The following CADM2 variants were observed in gnomAD, a reference collection of about 807,000 sequenced individuals.
CADM2 encodes the protein immunoglobulin superfamily member 4D.
A neutral mutation model predicts 49.8 loss-of-function variants in CADM2; 12 were observed. That is an observed-to-expected ratio of 0.24 (90% CI 0.15 to 0.39). CADM2 has a LOEUF of 0.39. CADM2 is among the 10% of genes least tolerant of loss of function. The pLI is 1.00. For synonymous variants in CADM2, 214 were observed against 175.4 expected (o/e 1.22, Z -1.74); for missense variants, 378 against 492.3 (o/e 0.77, Z 2.20).
intron 1 of CADM2, among the ~76,000 whole-genome samples, chr3:85,281,189 T>C (rs190995839): frequency 4.6e-5 from 7 of 151,852 alleles, no homozygotes; most frequent in Admixed American, 4.6e-4. Context: ...GAACATTGAA[T>C]AGTAACAATA....
At chr3:85,584,079 G>A (rs2107309419) in intron 1 of CADM2, among the ~76,000 whole-genome samples, 1 of 152,034 alleles carries the variant, frequency 6.6e-6, no homozygotes, top group African/African-American at 2.4e-5. Context: ...AATTTTATTT[G>A]TAATTAGTAG....
intron 1 of CADM2, among the ~76,000 whole-genome samples, chr3:85,420,942 AT>A (rs1344037415): frequency 1.3e-5 from 2 of 152,142 alleles, no homozygotes; most frequent in Non-Finnish European, 2.9e-5. Flanking sequence ...AACAGCTTTG[AT>A]TTCACAAAAA....
intron 1 of CADM2, among the ~76,000 whole-genome samples, chr3:84,980,503 T>C (rs1369876973): frequency 6.6e-6 from 1 of 152,174 alleles, no homozygotes; most frequent in Non-Finnish European, 1.5e-5. Flanking sequence ...GTGGTGAGAT[T>C]GTCTTCCAGT....
chr3:85,460,800 T>C (rs550345915), intron 1 of CADM2, among the ~76,000 whole-genome samples: 2 of 151,464 alleles, frequency 1.3e-5, no homozygotes, highest in African/African-American at 4.9e-5. Context: ...CCTTGAAAGG[T>C]AGGTGAGGAA....
At position 85,775,086 on chromosome 3, in the gene CADM2, T is replaced by C. The variant is rs1261366925; in HGVS notation, c.89-26961T>C. ...TTTTATCATGTGATTTTCATAAACC[T>C]ACATCAAAAATAAGGAGTGAACAAA... is the stretch of plus-strand genomic sequence containing the variant. On this transcript the variant is annotated intron_variant, in intron 2 of 9. Transcript: ENST00000383699. 4.6e-5 allele frequency among the ~76,000 whole-genome samples: 7 copies of C among 151,700 alleles called. No individual in the cohort carries two copies. In the South Asian group the frequency reaches 6.2e-4, roughly 13 times the overall value.
At chr3:86,046,254 C>A (rs565956516) in intron 8 of CADM2, among the ~76,000 whole-genome samples, 2 of 151,960 alleles carry the variant, frequency 1.3e-5, no homozygotes, top group South Asian at 4.2e-4. Context: ...TTTACATGTG[C>A]CTTTTGTAAA....
rs1268110646 is a variant in CADM2 at position 85,796,737 on chromosome 3, G to C, written c.89-5310G>C. On this transcript the variant is annotated intron_variant, in intron 2 of 9. Coordinates refer to ENST00000383699, the MANE Select transcript of CADM2 (RefSeq NM_001167675.2). ...GTAATAAGATTTTTTTTTCCAGTGG[G>C]GGAACAGCGCTTATCAAGCATTTTA... is the stretch of plus-strand genomic sequence containing the variant. Among the ~76,000 whole-genome samples the C allele has an allele frequency of 2.6e-5, 4 of 151,936 alleles. No homozygotes were observed. The East Asian group carries it at 7.7e-4, about 29-fold the overall frequency.
At chr3:86,053,166 A>T (rs1737534374) in intron 8 of CADM2, among the ~76,000 whole-genome samples, 1 of 152,320 alleles carries the variant, frequency 6.6e-6, no homozygotes, top group African/African-American at 2.4e-5. Flanking sequence ...TGTACTTAAC[A>T]GATCCAAAAT....
intron 1 of CADM2, among the ~76,000 whole-genome samples, chr3:85,552,393 T>TGAGACGTAGG (rs1162184936): frequency 1.7e-5 from 1 of 60,498 alleles, no homozygotes; most frequent in African/African-American, 4.3e-5. Flanking sequence ...TTTTTTTTTT[T>TGAGACGTAGG]TTTGAGACGT....
At chr3:85,195,662 A>G (rs985020416) in intron 1 of CADM2, among the ~76,000 whole-genome samples, 6 of 152,022 alleles carry the variant, frequency 3.9e-5, no homozygotes, top group African/African-American at 1.2e-4. Context: ...AGTAGGCTAT[A>G]AATTTACATA....
At chr3:85,355,469 TG>T (rs2031776973) in intron 1 of CADM2, among the ~76,000 whole-genome samples, 1 of 152,098 alleles carries the variant, frequency 6.6e-6, no homozygotes, top group Non-Finnish European at 1.5e-5. Flanking sequence ...TTGTTTGCTG[TG>T]AAATAAATTG....
chr3:85,261,074 A>G (rs75180015), intron 1 of CADM2, among the ~76,000 whole-genome samples: 2 of 151,906 alleles, frequency 1.3e-5, no homozygotes, highest in African/African-American at 4.8e-5. Context: ...TATTATCCCT[A>G]ATTTCCATAT....
intron 1 of CADM2, among the ~76,000 whole-genome samples, chr3:85,173,428 A>G (rs1268089452): frequency 6.6e-6 from 1 of 152,188 alleles, no homozygotes; most frequent in East Asian, 1.9e-4. Context: ...TTGTTTCACT[A>G]TAAGCATTAC....
chr3:85,625,069 G>A (rs1304892695), intron 1 of CADM2, among the ~76,000 whole-genome samples: 3 of 152,046 alleles, frequency 2.0e-5, no homozygotes, highest in African/African-American at 7.2e-5. Flanking sequence ...TTATCTGAAG[G>A]ATAAATAATG....
intron 1 of CADM2, among the ~76,000 whole-genome samples, chr3:84,993,589 G>A (rs2033013412): frequency 1.3e-5 from 2 of 152,106 alleles, no homozygotes; most frequent in South Asian, 2.1e-4. Context: ...AAAGTCAAAA[G>A]GGTTTGTTTT....
chr3:85,672,125 TAAGTC>T (rs1300403706), intron 1 of CADM2, among the ~76,000 whole-genome samples: 1 of 150,950 alleles, frequency 6.6e-6, no homozygotes, highest in Non-Finnish European at 1.5e-5. Context: ...TATTCAAACA[TAAGTC>T]AAGAAAGAAA....
chr3:85,523,644 CTT>C (rs2061082511), intron 1 of CADM2, among the ~76,000 whole-genome samples: 2 of 151,910 alleles, frequency 1.3e-5, no homozygotes, highest in African/African-American at 4.8e-5. Context: ...ATAATAATAA[CTT>C]ATCAATAGTA....
chr3:85,864,143 A>G (rs2075638341), intron 3 of CADM2, among the ~76,000 whole-genome samples: 1 of 152,202 alleles, frequency 6.6e-6, no homozygotes, highest in Admixed American at 6.5e-5. Flanking sequence ...AAGTTTTATA[A>G]GAGTTTTATC....
chr3:85,105,883 G>A (rs1370148611), intron 1 of CADM2, among the ~76,000 whole-genome samples: 7 of 146,910 alleles, frequency 4.8e-5, no homozygotes, highest in African/African-American at 1.5e-4. Flanking sequence ...TCATAGGTGG[G>A]AATTGAACAA....
Sources: gnomAD v4.1 joint callset for allele counts (sites outside exome capture counted in the v4.1 genomes callset) on GRCh38, gnomAD v4.1.1 for gene constraint, MANE v1.5 for transcripts, NCBI Gene and HGNC (gene_info 2026-07-23, HGNC 2026-07-21) for gene names.